Variants in SLC30A6 observed in about 807,000 individuals in gnomAD.
The protein encoded by SLC30A6 is zinc transporter 6.
In SLC30A6, 55 loss-of-function variants were observed where a neutral mutation model predicts 63.0. The observed-to-expected ratio is 0.87, with a 90% CI of 0.70 to 1.09. The LOEUF (loss-of-function observed/expected upper bound fraction) is 1.09. Among genes scored for constraint, SLC30A6 ranks in the 50% least tolerant of loss-of-function variants. The pLI, the probability that SLC30A6 is intolerant of heterozygous loss-of-function variation, is 0.00. For missense variants in SLC30A6, 587 were observed against 549.2 expected (o/e 1.07, Z -0.69); for synonymous variants, 224 against 186.1 (o/e 1.20, Z -1.66).
chr2:32,202,212 T>C, intron 10 of SLC30A6: 1 of 811,826 alleles, frequency 1.2e-6, no homozygotes, highest in Non-Finnish European at 1.9e-6. Flanking sequence ...TTAAGACCTT[T>C]GGTCCTGTAT....
At chr2:32,183,812 T>C (rs571165110) in intron 4 of SLC30A6, among the ~76,000 whole-genome samples, 327 of 152,302 alleles carry the variant, frequency 2.1e-3, no homozygotes, top group African/African-American at 7.4e-3. Context: ...GAATCTACTA[T>C]AGTTGGAAAA....
intron 4 of SLC30A6, among the ~76,000 whole-genome samples, chr2:32,179,086 C>G (rs1197607223): frequency 6.6e-6 from 1 of 152,140 alleles, no homozygotes. Flanking sequence ...TCACAAATTT[C>G]TGGGCTCAAG....
Position 32,192,397 on chromosome 2 carries a change from C to G in SLC30A6, c.346C>G (p.Leu116Val), listed in dbSNP as rs780772672. 8 of 1,613,882 alleles carry G rather than the reference C, an allele frequency of 5.0e-6. No homozygotes were observed. The South Asian group carries it at 7.7e-5, about 16-fold the overall frequency. The stretch of plus-strand genomic sequence containing the variant: ...CACAGTCTTGGCACAGTTGGGAGCT[C>G]TCTTTATATTAAAAGAAAGGTACAT... ...ASTVLAQLGA[L>V]FILKESAERF... is the part of the protein sequence containing the mutation. Residue 116 changes from leucine (L) to valine (V), a missense_variant, in exon 6 of 14, where the codon CTC (leucine) becomes GTC (valine). Coordinates refer to ENST00000282587, the MANE Select transcript of SLC30A6 (RefSeq NM_017964.5).
intron 13 of SLC30A6, among the ~76,000 whole-genome samples, chr2:32,213,644 C>T (rs2148903217): frequency 6.6e-6 from 1 of 152,206 alleles, no homozygotes; most frequent in South Asian, 2.1e-4. Flanking sequence ...TCAAACACTG[C>T]CACCACTGCT....
chr2:32,182,169 T>A (rs1277339411), intron 4 of SLC30A6, among the ~76,000 whole-genome samples: 3 of 151,958 alleles, frequency 2.0e-5, no homozygotes, highest in African/African-American at 7.2e-5. Flanking sequence ...TCTTGGGCTC[T>A]CAAGTGATCC....
intron 12 of SLC30A6, among the ~76,000 whole-genome samples, chr2:32,207,991 C>T (rs558703787): frequency 1.3e-4 from 20 of 151,902 alleles, no homozygotes; most frequent in Non-Finnish European, 2.6e-4. Context: ...AGCCACCAGG[C>T]CCGGCCTAAC....
At chr2:32,171,728 T>C (rs576826481) in intron 2 of SLC30A6, among the ~76,000 whole-genome samples, 2 of 152,018 alleles carry the variant, frequency 1.3e-5, no homozygotes, top group East Asian at 1.9e-4. Context: ...GTTACACTCT[T>C]GTTGCCTAAG....
chr2:32,193,805 CTCTTAGTCCCTCT>C, intron 7 of SLC30A6, 71 bp from the exon 8 acceptor site: 1 of 1,057,844 alleles, frequency 9.5e-7, no homozygotes. Context: ...ACCTTCCCAC[CTCTTAGTCCCTCT>C]ACGTATTGAA....
intron 1 of SLC30A6, 131 bp downstream of exon 1, chr2:32,166,034 C>A: frequency 7.5e-7 from 1 of 1,341,672 alleles, no homozygotes; most frequent in Non-Finnish European, 1.1e-6. Flanking sequence ...GGCCCCTTGG[C>A]AGGAGCGGCT....
At chr2:32,198,253 C>T (rs979851812) in intron 10 of SLC30A6, among the ~76,000 whole-genome samples, 7 of 152,294 alleles carry the variant, frequency 4.6e-5, no homozygotes, top group African/African-American at 1.4e-4. Context: ...TGGCTACCCA[C>T]CTTTTAAATA....
At chr2:32,193,111 C>G (rs1683484367) in intron 7 of SLC30A6, among the ~76,000 whole-genome samples, 158 bp downstream of exon 7, 1 of 152,114 alleles carries the variant, frequency 6.6e-6, no homozygotes, top group African/African-American at 2.4e-5. Flanking sequence ...GACTCCGTTT[C>G]TTTACTCTTA....
At chr2:32,211,520 AT>A (rs892951869) in intron 13 of SLC30A6, among the ~76,000 whole-genome samples, 2 of 150,762 alleles carry the variant, frequency 1.3e-5, no homozygotes, top group South Asian at 4.2e-4. Context: ...TGCCCAAAAG[AT>A]TTTTTTTTAA....
In SLC30A6 at chr2:32,171,351, G is replaced by T. The variant is rs758094701; in HGVS notation, c.68G>T (p.Arg23Ile). 14 of 1,613,632 alleles carry T rather than the reference G, an allele frequency of 8.7e-6. No individual in the cohort carries two copies. Among genetic ancestry groups the T allele is most frequent in the Middle Eastern group, 1.6e-4 (1 of 6,078 alleles). Residue 23 changes from arginine to isoleucine, a missense_variant, in exon 2 of 14, where the codon AGA becomes ATA. Arg to Ile is a moderately conservative substitution (Grantham distance 97). Transcript: ENST00000282587. ...TTTGGCAAGTTGTTACGGGAATTTAGACTTGTAGCAGCTGACCGAAGGGTA... is the reference window on the plus strand; with the variant it reads ...TTTGGCAAGTTGTTACGGGAATTTATACTTGTAGCAGCTGACCGAAGGGTA... ...SFFGKLLREF[R>I]LVAADRRSWK...
chr2:32,203,888 G>C, intron 10 of SLC30A6: 1 of 965,486 alleles, frequency 1.0e-6, no homozygotes, highest in Non-Finnish European at 1.7e-6. Flanking sequence ...TCTGGCAGCC[G>C]GTCAGTTAGA....
At chr2:32,217,134 G>T (rs975967016) in intron 13 of SLC30A6, among the ~76,000 whole-genome samples, 1 of 151,944 alleles carries the variant, frequency 6.6e-6, no homozygotes, top group Admixed American at 6.6e-5. Flanking sequence ...CTGACCTCAG[G>T]TGATCTGCCT....
Position 32,188,249 on chromosome 2 carries a change from A to G in SLC30A6, c.284+3911A>G, listed in dbSNP as rs1307191857. 2.0e-5 allele frequency among the ~76,000 whole-genome samples: 3 copies of G among 152,286 alleles called. No individual in the cohort carries two copies. The East Asian group carries it at 5.8e-4, about 29-fold the overall frequency. On this transcript the variant is annotated intron_variant, in intron 5 of 13. Coordinates refer to ENST00000282587, the MANE Select transcript of SLC30A6 (RefSeq NM_017964.5). Reference sequence around the variant, plus strand: ...GGCTTCATCGTGTTACTCATATCTTAATATCACTAAATGCTAATTTCCATT... The same window carrying G: ...GGCTTCATCGTGTTACTCATATCTTGATATCACTAAATGCTAATTTCCATT...
chr2:32,207,389 T>C (rs1684864836), intron 12 of SLC30A6, among the ~76,000 whole-genome samples: 1 of 151,872 alleles, frequency 6.6e-6, no homozygotes. Flanking sequence ...TTTTTCTTTT[T>C]TTTTTGAGAC....
At chr2:32,173,863 C>T (rs1447761281) in intron 2 of SLC30A6, among the ~76,000 whole-genome samples, 200 bp from the exon 3 acceptor site, 1 of 152,220 alleles carries the variant, frequency 6.6e-6, no homozygotes. Context: ...AACTCTCCTT[C>T]TGGAACTATT....
At chr2:32,209,605 G>A (rs1203946456) in intron 13 of SLC30A6, 44 bp downstream of exon 13, 5 of 1,460,764 alleles carry the variant, frequency 3.4e-6, no homozygotes, top group Non-Finnish European at 4.7e-6. Flanking sequence ...TTAAAATATA[G>A]TCTTCCATTT....
Sources: allele counts gnomAD v4.1 joint callset (sites outside exome capture counted in the v4.1 genomes callset), GRCh38; gene constraint gnomAD v4.1.1; transcripts MANE v1.5; gene names NCBI Gene and HGNC (gene_info 2026-07-23, HGNC 2026-07-21).